LEPR: variants seen among roughly 807,000 people sequenced by gnomAD.
LEPR encodes the protein leptin receptor.
Under a neutral mutation model 114.7 loss-of-function variants are expected in LEPR, and 56 were observed. That is an observed-to-expected ratio of 0.49 (90% confidence interval 0.39 to 0.61). LEPR has a LOEUF of 0.61. Among genes scored for constraint, LEPR ranks in the 20% least tolerant of loss-of-function variants. The pLI is 0.00. For synonymous variants in LEPR, 443 were observed against 461.4 expected (o/e 0.96, Z 0.51); for missense variants, 1,202 against 1,352.9 (o/e 0.89, Z 1.75).
chr1:65,483,897 C>T (rs1466547297), intron 2 of LEPR, among the ~76,000 whole-genome samples: 1 of 151,708 alleles, frequency 6.6e-6, no homozygotes, highest in Non-Finnish European at 1.5e-5. Context: ...TTCTTTATAA[C>T]CTTCATCATG....
intron 5 of LEPR, among the ~76,000 whole-genome samples, chr1:65,573,438 T>C (rs1049257350): frequency 6.6e-6 from 1 of 152,228 alleles, no homozygotes; most frequent in Non-Finnish European, 1.5e-5. Context: ...TTCGATCTCT[T>C]TATAAACTTA....
chr1:65,601,963 A>G lies in LEPR; in HGVS notation c.1403+3A>G, dbSNP rs1363440496. 3 of 1,611,518 alleles carry G rather than the reference A, an allele frequency of 1.9e-6. No individual in the cohort carries two copies. Among genetic ancestry groups the G allele is most frequent in the Non-Finnish European group, 2.5e-6 (3 of 1,177,720 alleles). ...ACTTTGCAATTGAGGTATCATAGGT[A>G]CGTATTATTTTTGCTGTTTTGTTTT... On this transcript the variant is annotated splice_donor_region_variant and intron_variant, in intron 10 of 19. Transcript: ENST00000349533.
intron 2 of LEPR, among the ~76,000 whole-genome samples, chr1:65,548,710 G>A (rs1191376731): frequency 1.3e-5 from 2 of 152,056 alleles, no homozygotes; most frequent in African/African-American, 2.4e-5. Flanking sequence ...GTCTCTGCAT[G>A]TGAGATGGGT....
intron 2 of LEPR, among the ~76,000 whole-genome samples, chr1:65,472,929 C>G (rs1402761201): frequency 6.6e-6 from 1 of 152,196 alleles, no homozygotes; most frequent in African/African-American, 2.4e-5. Flanking sequence ...AATTCAAAAA[C>G]TCATCTAATG....
chr1:65,498,129 G>A (rs1421869257), intron 2 of LEPR, among the ~76,000 whole-genome samples: 1 of 152,082 alleles, frequency 6.6e-6, no homozygotes, highest in Admixed American at 6.6e-5. Context: ...TTTTTGATGA[G>A]TTCAGCCTAA....
intron 11 of LEPR, among the ~76,000 whole-genome samples, chr1:65,607,750 G>C (rs1656906574): frequency 6.6e-6 from 1 of 152,130 alleles, no homozygotes; most frequent in Non-Finnish European, 1.5e-5. Flanking sequence ...GTTATTGTCA[G>C]GAAGATTGGC....
At chr1:65,478,641 G>T (rs1195338260) in intron 2 of LEPR, among the ~76,000 whole-genome samples, 1 of 152,144 alleles carries the variant, frequency 6.6e-6, no homozygotes, top group Non-Finnish European at 1.5e-5. Context: ...AATCTGTTCA[G>T]CTCACTAAAA....
chr1:65,447,479 C>T (rs1426536410), intron 2 of LEPR, among the ~76,000 whole-genome samples: 2 of 149,912 alleles, frequency 1.3e-5, no homozygotes, highest in African/African-American at 4.9e-5. Flanking sequence ...GGATTTATAC[C>T]GAAGTAGTTT....
intron 14 of LEPR, among the ~76,000 whole-genome samples, chr1:65,613,450 G>T (rs1025759150): frequency 3.2e-4 from 49 of 151,946 alleles, no homozygotes; most frequent in African/African-American, 1.1e-3. Context: ...ATTACACAAA[G>T]AAATCTTTAA....
chr1:65,631,898 T>C (rs565153152), intron 19 of LEPR, among the ~76,000 whole-genome samples: 7 of 152,320 alleles, frequency 4.6e-5, no homozygotes, highest in African/African-American at 1.7e-4. Context: ...TTAAGCCTCT[T>C]TAATTCATTT....
intron 2 of LEPR, among the ~76,000 whole-genome samples, chr1:65,557,504 T>C (rs1570688506): frequency 6.6e-6 from 1 of 152,142 alleles, no homozygotes; most frequent in South Asian, 2.1e-4. Context: ...ACTGCAACCT[T>C]CACCTCCCGG....
At chr1:65,514,960 GATA>G (rs1379595893) in intron 2 of LEPR, among the ~76,000 whole-genome samples, 18 of 152,200 alleles carry the variant, frequency 1.2e-4, no homozygotes, top group Admixed American at 7.2e-4. Context: ...AGATGAATCA[GATA>G]ATGTTTCATG....
At chr1:65,555,359 G>A (rs1262823623) in intron 2 of LEPR, among the ~76,000 whole-genome samples, 1 of 152,206 alleles carries the variant, frequency 6.6e-6, no homozygotes, top group Non-Finnish European at 1.5e-5. Flanking sequence ...CTGGATGAAT[G>A]GTTCTCCTGC....
At chr1:65,437,257 A>G (rs749226730) in intron 2 of LEPR, among the ~76,000 whole-genome samples, 8 of 152,104 alleles carry the variant, frequency 5.3e-5, no homozygotes, top group Non-Finnish European at 2.9e-5. Context: ...TAATAAAATC[A>G]TGTATATATG....
intron 2 of LEPR, among the ~76,000 whole-genome samples, chr1:65,536,092 G>C (rs1267688163): frequency 2.0e-5 from 3 of 152,174 alleles, no homozygotes; most frequent in Non-Finnish European, 2.9e-5. Flanking sequence ...GTTGAAACTT[G>C]ATTCCCAGTG....
rs538448169 is a variant in LEPR at position 65,519,056 on chromosome 1, CTCCT to C, written c.-20-46471_-20-46468del. ...TCTTTTCTTTTCTTTCTTTCTCTCT[CTCCT>C]TCCTTCCTTCCTTCCTTCTCTCCTT... On this transcript the variant is annotated intron_variant, in intron 2 of 19. Transcript: ENST00000349533. 7.9e-3 allele frequency among the ~76,000 whole-genome samples: 1,117 copies of C among 141,896 alleles called. 2 individuals are homozygous for C. The highest frequency in any genetic ancestry group is 0.026 in the Middle Eastern group (7 of 266). 93.1% of individuals were successfully genotyped at this position (141,896 alleles called of 152,430 possible). A position where few individuals can be genotyped will look rare whatever the true frequency, so the allele number is the denominator to read the frequency against.
chr1:65,471,722 C>T (rs936380813), intron 2 of LEPR, among the ~76,000 whole-genome samples: 2 of 152,134 alleles, frequency 1.3e-5, no homozygotes. Flanking sequence ...ATGAACTCTT[C>T]TGGCAAAGAT....
intron 2 of LEPR, among the ~76,000 whole-genome samples, chr1:65,497,291 A>G (rs1256341905): frequency 3.9e-5 from 6 of 152,056 alleles, no homozygotes; most frequent in African/African-American, 7.2e-5. Context: ...AGAAAAATTC[A>G]GGAAAAGCTT....
At chr1:65,587,195 G>T (rs1655370118) in intron 5 of LEPR, among the ~76,000 whole-genome samples, 1 of 151,962 alleles carries the variant, frequency 6.6e-6, no homozygotes, top group Non-Finnish European at 1.5e-5. Flanking sequence ...AAATATTCTT[G>T]CTTTAAAATT....
Sources: allele counts gnomAD v4.1 joint callset (sites outside exome capture counted in the v4.1 genomes callset), GRCh38; gene constraint gnomAD v4.1.1; transcripts MANE v1.5; gene names NCBI Gene and HGNC (gene_info 2026-07-23, HGNC 2026-07-21).